Variants in ROBO1 observed in about 807,000 individuals in gnomAD.
ROBO1 encodes the protein roundabout homolog 1.
Under a neutral mutation model 195.9 loss-of-function variants are expected in ROBO1, and 149 were observed. That is an observed-to-expected ratio of 0.76 (90% CI 0.67 to 0.87). The LOEUF is 0.87. ROBO1 is among the 40% of genes least tolerant of loss of function. ROBO1 has a pLI of 0.00. For synonymous variants in ROBO1, 816 were observed against 733.2 expected, an observed-to-expected ratio of 1.11 and a Z score of -1.82; for missense variants, 1,933 against 2,068.3, an observed-to-expected ratio of 0.93 and a Z score of 1.27.
At chr3:78,713,730 C>T (rs1466895723) in intron 8 of ROBO1, among the ~76,000 whole-genome samples, 2 of 152,258 alleles carry the variant, frequency 1.3e-5, no homozygotes, top group East Asian at 1.9e-4. Flanking sequence ...TAAGACGTGA[C>T]TTTGACTTTC....
intron 5 of ROBO1, among the ~76,000 whole-genome samples, 165 bp from the exon 6 acceptor site, chr3:78,718,048 G>A (rs938541253): frequency 1.3e-5 from 2 of 152,188 alleles, no homozygotes; most frequent in African/African-American, 2.4e-5. Context: ...TACCCTTAAA[G>A]AGAATTGACT....
intron 2 of ROBO1, among the ~76,000 whole-genome samples, chr3:79,421,389 A>G (rs1407048782): frequency 6.6e-6 from 1 of 152,094 alleles, no homozygotes; most frequent in Non-Finnish European, 1.5e-5. Flanking sequence ...TTAAAAAAAA[A>G]AAAGAGAGAC....
chr3:79,595,139 A>G (rs1278970691), intron 1 of ROBO1, among the ~76,000 whole-genome samples: 1 of 151,894 alleles, frequency 6.6e-6, no homozygotes, highest in Admixed American at 6.6e-5. Context: ...ACACATATGC[A>G]TGTGTTGATA....
intron 2 of ROBO1, among the ~76,000 whole-genome samples, chr3:79,468,800 T>G (rs190533986): frequency 1.3e-3 from 192 of 152,270 alleles, no homozygotes; most frequent in African/African-American, 4.4e-3. Context: ...CACTGATTGC[T>G]TAGGGAAGCT....
intron 1 of ROBO1, among the ~76,000 whole-genome samples, chr3:79,655,313 G>A (rs1157122057): frequency 1.3e-5 from 2 of 151,760 alleles, no homozygotes; most frequent in African/African-American, 4.8e-5. Flanking sequence ...ATATCAACAG[G>A]GACTTCGCTG....
chr3:79,129,056 G>A (rs980848533), intron 2 of ROBO1, among the ~76,000 whole-genome samples: 41 of 151,992 alleles, frequency 2.7e-4, no homozygotes, highest in African/African-American at 9.9e-4. Context: ...TTTCTCAATT[G>A]GATGCTCTAC....
At chr3:79,262,536 G>A (rs2082959885) in intron 2 of ROBO1, among the ~76,000 whole-genome samples, 1 of 151,744 alleles carries the variant, frequency 6.6e-6, no homozygotes, top group Non-Finnish European at 1.5e-5. Flanking sequence ...TTCTGGAAAG[G>A]TTTTTTTCTA....
intron 2 of ROBO1, among the ~76,000 whole-genome samples, chr3:79,312,779 T>G (rs1396671552): frequency 2.6e-5 from 4 of 152,174 alleles, no homozygotes; most frequent in African/African-American, 9.7e-5. Flanking sequence ...ATTTGGCATG[T>G]TTTTATAACT....
intron 1 of ROBO1, among the ~76,000 whole-genome samples, chr3:79,733,762 C>T (rs1224473913): frequency 3.9e-5 from 6 of 152,126 alleles, no homozygotes; most frequent in Non-Finnish European, 8.8e-5. Context: ...TTATTTATCA[C>T]ACTGCTTTGG....
At chr3:79,415,004 G>A (rs2037938812) in intron 2 of ROBO1, among the ~76,000 whole-genome samples, 1 of 152,126 alleles carries the variant, frequency 6.6e-6, no homozygotes, top group South Asian at 2.1e-4. Flanking sequence ...ACTTGGCTGT[G>A]CAAACTCACT....
chr3:78,968,561 C>G (rs1018243821), intron 3 of ROBO1, among the ~76,000 whole-genome samples: 1 of 150,740 alleles, frequency 6.6e-6, no homozygotes, highest in Non-Finnish European at 1.5e-5. Context: ...TACAGATATT[C>G]TTAAATAAAA....
intron 2 of ROBO1, among the ~76,000 whole-genome samples, chr3:79,399,403 A>G (rs1330826781): frequency 6.6e-6 from 1 of 152,012 alleles, no homozygotes; most frequent in Non-Finnish European, 1.5e-5. Context: ...CCCTCCCATA[A>G]TCATGCCAAG....
intron 2 of ROBO1, among the ~76,000 whole-genome samples, chr3:79,429,794 T>C (rs995189067): frequency 2.0e-5 from 3 of 152,130 alleles, no homozygotes; most frequent in African/African-American, 7.2e-5. Context: ...CATTAGTTTC[T>C]TTACCTTTTT....
chr3:78,739,346 A>G (rs561783914), intron 5 of ROBO1, among the ~76,000 whole-genome samples: 12 of 152,128 alleles, frequency 7.9e-5, no homozygotes, highest in Admixed American at 2.6e-4. Flanking sequence ...ACTTAACTCA[A>G]TTTTTCATTT....
chr3:79,644,795 T>C (rs567624926), intron 1 of ROBO1, among the ~76,000 whole-genome samples: 10 of 152,244 alleles, frequency 6.6e-5, no homozygotes, highest in African/African-American at 2.2e-4. Flanking sequence ...TTCTCCAGAA[T>C]AGATCATGTT....
intron 4 of ROBO1, among the ~76,000 whole-genome samples, chr3:78,800,790 T>G (rs1324401778): frequency 1.3e-5 from 2 of 152,130 alleles, no homozygotes. Flanking sequence ...GGTCTTGAAC[T>G]CCTGACCTTG....
At chr3:79,713,010 T>C (rs1702335814) in intron 1 of ROBO1, among the ~76,000 whole-genome samples, 1 of 152,058 alleles carries the variant, frequency 6.6e-6, no homozygotes, top group Non-Finnish European at 1.5e-5. Flanking sequence ...ATGTGCCATG[T>C]TGGTGTGCTG....
At chr3:79,152,776 A>T (rs1371006130) in intron 2 of ROBO1, among the ~76,000 whole-genome samples, 2 of 151,680 alleles carry the variant, frequency 1.3e-5, no homozygotes, top group Admixed American at 6.6e-5. Flanking sequence ...GCAACAAGGG[A>T]TTCATTTGGA....
At chr3:79,575,124 TATAA>T (rs1328101321) in intron 2 of ROBO1, among the ~76,000 whole-genome samples, 1 of 104,574 alleles carries the variant, frequency 9.6e-6, no homozygotes, top group African/African-American at 4.8e-5. Flanking sequence ...CAAATATATA[TATAA>T]ATATATATAA....
Sources: allele counts gnomAD v4.1 joint callset (sites outside exome capture counted in the v4.1 genomes callset), GRCh38; gene constraint gnomAD v4.1.1; transcripts MANE v1.5; gene names NCBI Gene and HGNC (gene_info 2026-07-23, HGNC 2026-07-21).